The following CD86 variants were observed in gnomAD, a reference collection of about 807,000 sequenced individuals.
CD86 encodes T-lymphocyte activation antigen CD86.
CD86 carries 11 observed loss-of-function variants against 32.1 expected under a neutral mutation model. That is an observed-to-expected ratio of 0.34 (90% CI 0.22 to 0.57). The LOEUF (loss-of-function observed/expected upper bound fraction) is 0.57. CD86 is among the 20% of genes least tolerant of loss of function. The probability of loss-of-function intolerance (pLI) is 0.86; values close to 1 mark genes in which losing one functional copy is unlikely to be tolerated. For missense variants in CD86, 359 were observed against 398.4 expected (o/e 0.90, Z 0.84); for synonymous variants, 137 against 135.3 (o/e 1.01, Z -0.09).
intron 2 of CD86, among the ~76,000 whole-genome samples, chr3:122,096,509 CATT>C (rs2072910550): frequency 1.3e-5 from 2 of 152,002 alleles, no homozygotes; most frequent in African/African-American, 4.8e-5. Context: ...TGTTCTCTAT[CATT>C]AATAATGTTA....
At position 122,119,464 on chromosome 3, in the gene CD86, C is replaced by G. The variant is rs745750663; in HGVS notation, c.920C>G (p.Ser307Cys). Residue 307 changes from serine (S) to cysteine (C), a missense_variant, in exon 7 of 7, where the codon TCT becomes TGT. By Grantham distance (112) the Ser-to-Cys change is moderately radical. Transcript: ENST00000330540. ...KREKIHIPER[S>C]DEAQRVFKSS... is the part of the protein sequence containing the mutation. ...GAAAAAATCCATATACCTGAAAGAT[C>G]TGATGAAGCCCAGCGTGTTTTTAAA... 1 of 1,609,438 alleles carries G rather than the reference C, an allele frequency of 6.2e-7. No homozygotes were observed. Among genetic ancestry groups the G allele is most frequent in the Non-Finnish European group, 8.5e-7 (1 of 1,175,984 alleles).
chr3:122,120,990 G>A lies in CD86; in HGVS notation c.*1456G>A, dbSNP rs1016014040. On this transcript the variant is annotated 3_prime_UTR_variant, in exon 7 of 7. Transcript: ENST00000330540. ...CCTTTATTTTATGTAAACCCTCAAG[G>A]GTTATAGACTGCCATGCTAGACAAG... 6.6e-6 allele frequency: 1 copy of A among 152,162 alleles called. No individual in the cohort carries two copies. The highest frequency in any genetic ancestry group is 2.4e-5 in the African/African-American group (1 of 41,436). 9.4% of individuals were successfully genotyped at this position (152,162 alleles called of 1,614,324 possible).
intron 1 of CD86, among the ~76,000 whole-genome samples, chr3:122,069,689 T>G (rs2072463490): frequency 1.3e-5 from 2 of 152,188 alleles, no homozygotes; most frequent in African/African-American, 4.8e-5. Flanking sequence ...CCCTGGCCCC[T>G]GTGGCCTTCC....
chr3:122,102,982 A>AG (rs1180352909), intron 2 of CD86, among the ~76,000 whole-genome samples: 1 of 151,460 alleles, frequency 6.6e-6, no homozygotes, highest in African/African-American at 2.4e-5. Context: ...AGTATAATAA[A>AG]GGGGGGCTAT....
intron 1 of CD86, among the ~76,000 whole-genome samples, chr3:122,085,063 G>A (rs2072694682): frequency 2.0e-5 from 3 of 152,142 alleles, no homozygotes; most frequent in Admixed American, 1.3e-4. Flanking sequence ...CACGTGAAGA[G>A]GAACTGTTTC....
chr3:122,065,862 G>A (rs1213390575), intron 1 of CD86, among the ~76,000 whole-genome samples: 1 of 151,974 alleles, frequency 6.6e-6, no homozygotes, highest in Admixed American at 6.6e-5. Context: ...TTGGGGGAGA[G>A]GGGGAAACTT....
rs1364430088 is a variant in CD86 at position 122,056,395 on chromosome 3, C to T, written c.14+892C>T. ...CTGTCGCCAAGCTGGAGTGCAGTGG[C>T]GCAATCTCAGCTCACTGCAACCTCC... On this transcript the variant is annotated intron_variant, in intron 1 of 6. Coordinates refer to ENST00000330540, the MANE Select transcript of CD86 (RefSeq NM_175862.5). Among the ~76,000 whole-genome samples, 10 of 152,122 alleles carry T rather than the reference C, an allele frequency of 6.6e-5. No homozygotes were observed. The South Asian group carries it at 1.0e-3, about 16-fold the overall frequency.
intron 1 of CD86, among the ~76,000 whole-genome samples, chr3:122,057,425 T>C (rs1346537817): frequency 6.6e-6 from 1 of 152,198 alleles, no homozygotes; most frequent in Non-Finnish European, 1.5e-5. Context: ...AAAATTCCAC[T>C]GTAGAACAAT....
chr3:122,055,653 A>G, intron 1 of CD86, 150 bp downstream of exon 1: 1 of 725,912 alleles, frequency 1.4e-6, no homozygotes, highest in Non-Finnish European at 2.3e-6. Flanking sequence ...TTGGCACATA[A>G]AGGCAAGAAT....
At chr3:122,082,858 A>G (rs2072653730) in intron 1 of CD86, among the ~76,000 whole-genome samples, 1 of 152,182 alleles carries the variant, frequency 6.6e-6, no homozygotes, top group Non-Finnish European at 1.5e-5. Flanking sequence ...TGTTGCTTTT[A>G]TTAGTAGTTT....
At chr3:122,084,059 T>A (rs2072677457) in intron 1 of CD86, among the ~76,000 whole-genome samples, 1 of 152,218 alleles carries the variant, frequency 6.6e-6, no homozygotes, top group African/African-American at 2.4e-5. Context: ...AGATCTCTGC[T>A]CATCGCAAGC....
At chr3:122,112,158 G>C (rs149425431) in intron 5 of CD86, among the ~76,000 whole-genome samples, 1 of 152,036 alleles carries the variant, frequency 6.6e-6, no homozygotes, top group African/African-American at 2.4e-5. Flanking sequence ...TTCCTCATTT[G>C]GGTCTTGTGT....
chr3:122,092,294 C>T (rs2072837677), intron 2 of CD86: 2 of 152,282 alleles, frequency 1.3e-5, no homozygotes, highest in African/African-American at 2.4e-5. Context: ...CCCCTCAAGA[C>T]CCTGTGAAGG....
At chr3:122,089,911 T>A (rs2072785488) in intron 1 of CD86, among the ~76,000 whole-genome samples, 1 of 152,244 alleles carries the variant, frequency 6.6e-6, no homozygotes, top group Non-Finnish European at 1.5e-5. Context: ...GGTAGTCATA[T>A]GTGTGCAAAA....
intron 1 of CD86, among the ~76,000 whole-genome samples, chr3:122,057,165 T>C (rs1362984395): frequency 2.0e-5 from 3 of 152,224 alleles, no homozygotes; most frequent in Non-Finnish European, 4.4e-5. Context: ...AGTGGTGATA[T>C]CATCTTTCTG....
chr3:122,090,017 T>A (rs1333943858), intron 1 of CD86, among the ~76,000 whole-genome samples: 1 of 152,164 alleles, frequency 6.6e-6, no homozygotes, highest in Non-Finnish European at 1.5e-5. Context: ...TAACTTTAAG[T>A]AGAGGCAAGA....
intron 1 of CD86, among the ~76,000 whole-genome samples, chr3:122,088,721 T>A (rs2072765470): frequency 6.6e-6 from 1 of 152,216 alleles, no homozygotes; most frequent in Non-Finnish European, 1.5e-5. Flanking sequence ...TTGTTCCAGT[T>A]GTCGATGGGA....
intron 5 of CD86, among the ~76,000 whole-genome samples, chr3:122,114,979 C>T (rs1240887599): frequency 6.6e-6 from 1 of 152,204 alleles, no homozygotes; most frequent in African/African-American, 2.4e-5. Flanking sequence ...GATGTCTACT[C>T]TCTCTACTTT....
intron 5 of CD86, among the ~76,000 whole-genome samples, chr3:122,112,403 G>A (rs1329932202): frequency 6.6e-6 from 1 of 151,768 alleles, no homozygotes; most frequent in East Asian, 1.9e-4. Context: ...TGCAACCTCT[G>A]CCTCCCAGGT....
Sources: gnomAD v4.1 joint callset for allele counts (sites outside exome capture counted in the v4.1 genomes callset) on GRCh38, gnomAD v4.1.1 for gene constraint, MANE v1.5 for transcripts, NCBI Gene and HGNC (gene_info 2026-07-23, HGNC 2026-07-21) for gene names.